PTPRD: variants seen among roughly 807,000 people sequenced by gnomAD.
PTPRD encodes the protein receptor-type tyrosine-protein phosphatase delta.
In PTPRD, 34 loss-of-function variants were observed where a neutral mutation model predicts 214.5. The observed-to-expected ratio is 0.16, with a 90% CI of 0.12 to 0.21. The LOEUF (loss-of-function observed/expected upper bound fraction) is 0.21, where lower values mean the gene tolerates loss of function less well. PTPRD is among the 10% of genes least tolerant of loss of function. PTPRD has a pLI of 1.00. For missense variants in PTPRD, 2,545 were observed against 2,398.7 expected (o/e 1.06, Z -1.27); for synonymous variants, 1,128 against 845.7 (o/e 1.33, Z -5.79).
intron 2 of PTPRD, among the ~76,000 whole-genome samples, chr9:10,474,346 T>TG (rs545404175): frequency 4.1e-4 from 61 of 147,864 alleles, no homozygotes; most frequent in Admixed American, 3.2e-3. Flanking sequence ...TCCTAGTCTC[T>TG]GAAAAAAAAC....
intron 8 of PTPRD, among the ~76,000 whole-genome samples, chr9:9,568,721 G>A (rs2085379135): frequency 6.6e-6 from 1 of 151,882 alleles, no homozygotes; most frequent in Admixed American, 6.6e-5. Context: ...CTTAATGGGA[G>A]GTAGCTCTTA....
intron 8 of PTPRD, among the ~76,000 whole-genome samples, chr9:9,562,913 A>T (rs1227289296): frequency 1.3e-5 from 2 of 152,214 alleles, no homozygotes; most frequent in Admixed American, 1.3e-4. Context: ...CCATGTGGGC[A>T]GACATCTTTG....
intron 4 of PTPRD, among the ~76,000 whole-genome samples, chr9:10,002,513 T>A (rs959805272): frequency 6.6e-6 from 1 of 150,944 alleles, no homozygotes; most frequent in Non-Finnish European, 1.5e-5. Context: ...TGAAAACTGT[T>A]ACCAAAAGAA....
rs374119012 is a variant in PTPRD, at chr9:10,209,244, C to T, written c.-545+131719G>A. ...TTTGGAAAGAAGTAAAATATCTAGG[C>T]AGAGAAAAACCCATGAAAACACAAA... On this transcript the variant is annotated intron_variant, in intron 3 of 45. Coordinates refer to ENST00000381196, the MANE Select transcript of PTPRD (RefSeq NM_002839.4). 1.2e-3 allele frequency among the ~76,000 whole-genome samples: 185 copies of T among 152,152 alleles called. 3 individuals carry two copies. The South Asian group carries it at 0.036, about 30-fold the overall frequency.
chr9:10,236,504 G>T (rs529808370), intron 3 of PTPRD, among the ~76,000 whole-genome samples: 2 of 151,764 alleles, frequency 1.3e-5, no homozygotes, highest in African/African-American at 2.4e-5. Context: ...CTTGACTACC[G>T]CAGTTTTCTT....
intron 3 of PTPRD, among the ~76,000 whole-genome samples, chr9:10,297,903 T>C (rs1422569704): frequency 1.3e-5 from 2 of 152,088 alleles, no homozygotes; most frequent in South Asian, 2.1e-4. Context: ...GCACCCTTCA[T>C]ATTAAAAAGC....
At chr9:8,443,330 T>A (rs1015142335) in intron 34 of PTPRD, among the ~76,000 whole-genome samples, 1 of 152,198 alleles carries the variant, frequency 6.6e-6, no homozygotes, top group Non-Finnish European at 1.5e-5. Flanking sequence ...TATGAATGTA[T>A]GAAGAAAGTA....
chr9:10,016,996 G>A (rs1013563266), intron 4 of PTPRD, among the ~76,000 whole-genome samples: 2 of 152,114 alleles, frequency 1.3e-5, no homozygotes, highest in Non-Finnish European at 2.9e-5. Context: ...CTTTAGGATA[G>A]TAATGAGAAG....
At chr9:10,026,673 A>G (rs1214957108) in intron 4 of PTPRD, among the ~76,000 whole-genome samples, 1 of 152,168 alleles carries the variant, frequency 6.6e-6, no homozygotes, top group Non-Finnish European at 1.5e-5. Context: ...AATTGTAAAC[A>G]GCAAAATCTG....
At chr9:8,447,503 T>C (rs539549087) in intron 34 of PTPRD, among the ~76,000 whole-genome samples, 1 of 152,328 alleles carries the variant, frequency 6.6e-6, no homozygotes, top group South Asian at 2.1e-4. Context: ...TTCTTGAGTT[T>C]GGCCATATTT....
chr9:10,017,373 T>G (rs1243878238), intron 4 of PTPRD, among the ~76,000 whole-genome samples: 1 of 152,178 alleles, frequency 6.6e-6, no homozygotes, highest in African/African-American at 2.4e-5. Context: ...TTTAATTTTT[T>G]GGCTTTACTA....
At chr9:8,621,719 C>T (rs1437827397) in intron 14 of PTPRD, among the ~76,000 whole-genome samples, 1 of 151,768 alleles carries the variant, frequency 6.6e-6, no homozygotes, top group Non-Finnish European at 1.5e-5. Context: ...AGTAAGTCAG[C>T]TGTAGCACTT....
chr9:10,145,271 T>G (rs550594722), intron 3 of PTPRD, among the ~76,000 whole-genome samples: 38 of 151,206 alleles, frequency 2.5e-4, no homozygotes, highest in Middle Eastern at 3.4e-3. Flanking sequence ...TTGCATGTGT[T>G]TGTTTGTATT....
At chr9:10,602,970 T>C (rs757170349) in intron 2 of PTPRD, among the ~76,000 whole-genome samples, 3 of 151,826 alleles carry the variant, frequency 2.0e-5, no homozygotes, top group Non-Finnish European at 4.4e-5. Flanking sequence ...ATGCCTCTCA[T>C]ATGAGGTGAA....
intron 10 of PTPRD, among the ~76,000 whole-genome samples, chr9:9,145,277 T>A (rs2099866737): frequency 6.6e-6 from 1 of 152,166 alleles, no homozygotes; most frequent in African/African-American, 2.4e-5. Flanking sequence ...CCTAAATTTA[T>A]CTTTGGGACC....
At position 8,768,381 on chromosome 9, in the gene PTPRD, T is replaced by A. The variant is rs971740745; in HGVS notation, c.-103-34435A>T. Among the ~76,000 whole-genome samples, 3 of 152,116 alleles carry A rather than the reference T, an allele frequency of 2.0e-5. No individual in the cohort carries two copies. The East Asian group carries it at 5.8e-4, about 29-fold the overall frequency. On this transcript the variant is annotated intron_variant, in intron 11 of 45. Coordinates refer to ENST00000381196, the MANE Select transcript of PTPRD (RefSeq NM_002839.4). ...GTCTGAGCAACATGGCAAAACCTTG[T>A]CTCTACAAAAATACAAAACAATTAG... is the stretch of plus-strand genomic sequence containing the variant.
At chr9:8,785,872 A>T (rs961768782) in intron 11 of PTPRD, among the ~76,000 whole-genome samples, 1 of 152,254 alleles carries the variant, frequency 6.6e-6, no homozygotes, top group Non-Finnish European at 1.5e-5. Context: ...GTAATGTATT[A>T]CAGATGGTTT....
intron 11 of PTPRD, among the ~76,000 whole-genome samples, chr9:8,949,849 A>G (rs1306285263): frequency 6.6e-6 from 1 of 152,162 alleles, no homozygotes; most frequent in African/African-American, 2.4e-5. Context: ...TGTTGCCTAC[A>G]GTTATGAATG....
At chr9:9,853,448 T>C (rs111534597) in intron 5 of PTPRD, among the ~76,000 whole-genome samples, 3 of 152,352 alleles carry the variant, frequency 2.0e-5, no homozygotes, top group African/African-American at 7.2e-5. Context: ...AGACAATATA[T>C]AGTTTGCTAA....
Sources: allele counts gnomAD v4.1 joint callset (sites outside exome capture counted in the v4.1 genomes callset), GRCh38; gene constraint gnomAD v4.1.1; transcripts MANE v1.5; gene names NCBI Gene and HGNC (gene_info 2026-07-23, HGNC 2026-07-21).